Variants in RYR2 observed in about 807,000 individuals in gnomAD.
RYR2 encodes the protein ryanodine receptor 2.
Under a neutral mutation model 601.1 loss-of-function variants are expected in RYR2, and 227 were observed. The observed-to-expected ratio is 0.38, with a 90% CI of 0.34 to 0.42. The LOEUF (loss-of-function observed/expected upper bound fraction) is 0.42. Among genes scored for constraint, RYR2 ranks in the 10% least tolerant of loss-of-function variants. RYR2 has a pLI of 1.00. For synonymous variants in RYR2, 2,223 were observed against 2,175.1 expected, an observed-to-expected ratio of 1.02 and a Z score of -0.61; for missense variants, 4,646 against 6,156.5, an observed-to-expected ratio of 0.75 and a Z score of 8.21.
intron 49 of RYR2, 73 bp from the exon 50 acceptor site, chr1:237,649,803 TC>T: frequency 8.1e-7 from 1 of 1,227,704 alleles, no homozygotes; most frequent in Non-Finnish European, 1.2e-6. Flanking sequence ...AAATTGTATG[TC>T]CCCATGTTAA....
At chr1:237,628,852 A>G (rs958053177) in intron 41 of RYR2, among the ~76,000 whole-genome samples, 3 of 152,160 alleles carry the variant, frequency 2.0e-5, no homozygotes, top group Non-Finnish European at 2.9e-5. Flanking sequence ...ACAGGAAATG[A>G]TAAGGAAGCT....
At chr1:237,188,022 C>G (rs1679557070) in intron 1 of RYR2, among the ~76,000 whole-genome samples, 1 of 152,190 alleles carries the variant, frequency 6.6e-6, no homozygotes, top group African/African-American at 2.4e-5. Context: ...GCCCAGATCA[C>G]TAAAGCGGCA....
chr1:237,349,085 G>A (rs1698539325), intron 3 of RYR2, among the ~76,000 whole-genome samples: 1 of 152,190 alleles, frequency 6.6e-6, no homozygotes, highest in East Asian at 1.9e-4. Flanking sequence ...TGGATTTGGA[G>A]CTACAATAGT....
chr1:237,249,936 T>C (rs947093011), intron 1 of RYR2, among the ~76,000 whole-genome samples: 4 of 152,074 alleles, frequency 2.6e-5, no homozygotes, highest in Admixed American at 2.6e-4. Context: ...AAGCAAGCAA[T>C]GTGATGAGGG....
At chr1:237,105,803 C>T (rs1252001507) in intron 1 of RYR2, among the ~76,000 whole-genome samples, 1 of 146,194 alleles carries the variant, frequency 6.8e-6, no homozygotes, top group African/African-American at 2.6e-5. Flanking sequence ...CCACTGCACT[C>T]CAGCCTGGGC....
At chr1:237,692,422 A>G (rs1034001903) in intron 63 of RYR2, among the ~76,000 whole-genome samples, 1 of 152,088 alleles carries the variant, frequency 6.6e-6, no homozygotes, top group African/African-American at 2.4e-5. Flanking sequence ...TTCTCAAAAC[A>G]CACTTCTCTG....
At chr1:237,414,412 G>A (rs1441513774) in intron 10 of RYR2, among the ~76,000 whole-genome samples, 1 of 152,108 alleles carries the variant, frequency 6.6e-6, no homozygotes, top group African/African-American at 2.4e-5. Context: ...GCAGATTCTT[G>A]GGCCTCACCC....
At chr1:237,206,802 C>T (rs1348057408) in intron 1 of RYR2, among the ~76,000 whole-genome samples, 1 of 152,148 alleles carries the variant, frequency 6.6e-6, no homozygotes, top group Non-Finnish European at 1.5e-5. Context: ...TGGACACTAT[C>T]CCGGCCATTG....
intron 92 of RYR2, 22 bp downstream of exon 92, chr1:237,788,157 A>G (rs1657887550): frequency 1.3e-6 from 2 of 1,575,044 alleles, no homozygotes; most frequent in Non-Finnish European, 1.7e-6. Flanking sequence ...TAGAATGAAT[A>G]TTGTTACTGA....
At chr1:237,434,347 G>A (rs530612531) in intron 12 of RYR2, among the ~76,000 whole-genome samples, 33 of 152,138 alleles carry the variant, frequency 2.2e-4, no homozygotes, top group Middle Eastern at 3.4e-3. Context: ...ACAATTGCTG[G>A]CAACCCTATA....
At position 237,548,540 on chromosome 1, in the gene RYR2, G is replaced by C. The variant is rs376931962; in HGVS notation, c.3016G>C (p.Val1006Leu). 1.2e-6 allele frequency: 2 copies of C among 1,614,026 alleles called. No homozygotes were observed. The highest frequency in any genetic ancestry group is 1.7e-6 in the Non-Finnish European group (2 of 1,179,884). ...CAAGTTGGCAGAAAATGCACATAAT[G>C]TGTGGGCGCGGGATCGAATCCGGCA... ...VDKLAENAHN[V>L]WARDRIRQGW... Residue 1006 changes from valine to leucine, a missense_variant, in exon 26 of 105, where the codon GTG becomes CTG. Around this residue, in one of 17 missense-constraint regions of RYR2, gnomAD observed 1,807 missense variants for 2,088.1 expected, o/e 0.87. Coordinates refer to ENST00000366574, the MANE Select transcript of RYR2 (RefSeq NM_001035.3).
intron 1 of RYR2, among the ~76,000 whole-genome samples, chr1:237,167,276 G>T (rs998903683): frequency 6.6e-6 from 1 of 152,152 alleles, no homozygotes; most frequent in Non-Finnish European, 1.5e-5. Flanking sequence ...AAAGGAGTAG[G>T]CACCAGAATG....
intron 22 of RYR2, among the ~76,000 whole-genome samples, chr1:237,506,162 CTTTT>C (rs35038087): frequency 7.0e-6 from 1 of 142,336 alleles, no homozygotes. Flanking sequence ...ACCAACACTC[CTTTT>C]TTTTTTTTTC....
intron 2 of RYR2, among the ~76,000 whole-genome samples, chr1:237,301,519 T>G (rs905923415): frequency 1.3e-5 from 2 of 152,190 alleles, no homozygotes; most frequent in Non-Finnish European, 2.9e-5. Context: ...AACAGTCACG[T>G]AACCCCTTTT....
At chr1:237,163,529 C>T (rs998401648) in intron 1 of RYR2, among the ~76,000 whole-genome samples, 6 of 152,064 alleles carry the variant, frequency 3.9e-5, no homozygotes, top group Non-Finnish European at 5.9e-5. Flanking sequence ...CACATCTGGG[C>T]GTACATCTCA....
chr1:237,300,755 C>T (rs1693267831), intron 2 of RYR2, among the ~76,000 whole-genome samples: 1 of 152,084 alleles, frequency 6.6e-6, no homozygotes. Context: ...CAAAGCATAC[C>T]GGTGACCTTT....
At chr1:237,545,430 A>G (rs1227983194) in intron 25 of RYR2, among the ~76,000 whole-genome samples, 3 of 152,186 alleles carry the variant, frequency 2.0e-5, no homozygotes. Context: ...TGTATCCCTC[A>G]TTAGGGTAGC....
Position 237,102,992 on chromosome 1 carries a change from C to T in RYR2, c.48+60423C>T, listed in dbSNP as rs79496208. On this transcript the variant is annotated intron_variant, in intron 1 of 104. Coordinates refer to ENST00000366574, the MANE Select transcript of RYR2 (RefSeq NM_001035.3). ...CACCGTTGTGCAACAAATCTCCGAA[C>T]AGTTTCATCTTATGAAACAGAAACT... 3.7e-3 allele frequency among the ~76,000 whole-genome samples: 569 copies of T among 152,326 alleles called. 30 individuals carry two copies. In the East Asian group the frequency reaches 0.09, roughly 24 times the overall value.
intron 80 of RYR2, 141 bp downstream of exon 80, chr1:237,742,490 C>T: frequency 3.0e-6 from 2 of 663,404 alleles, no homozygotes; most frequent in Non-Finnish European, 5.3e-6. Context: ...GCTGGATGGA[C>T]AAACCTGAGT....
Sources: gnomAD v4.1 joint callset for allele counts (sites outside exome capture counted in the v4.1 genomes callset) on GRCh38, gnomAD v4.1.1 for gene constraint, gnomAD v4.1.1 regional missense constraint, MANE v1.5 for transcripts, NCBI Gene and HGNC (gene_info 2026-07-23, HGNC 2026-07-21) for gene names.